Variants in RPS6KC1 observed in about 807,000 individuals in gnomAD.
RPS6KC1 encodes ribosomal protein S6 kinase C1, also known as inactive ribosomal protein S6 kinase delta-1.
In RPS6KC1, 54 loss-of-function variants were observed where a neutral mutation model predicts 103.8. That is an observed-to-expected ratio of 0.52 (90% CI 0.42 to 0.65). The LOEUF (loss-of-function observed/expected upper bound fraction) is 0.65. Ranked by LOEUF, RPS6KC1 falls within the 30% of genes least tolerant of loss-of-function variation. The probability of loss-of-function intolerance (pLI) is 0.00; values close to 1 mark genes in which losing one functional copy is unlikely to be tolerated. For missense variants in RPS6KC1, 1,151 were observed against 1,253.8 expected (o/e 0.92, Z 1.24); for synonymous variants, 439 against 438.7 (o/e 1.00, Z -0.01).
At chr1:213,101,569 G>A (rs747771570) in intron 3 of RPS6KC1, among the ~76,000 whole-genome samples, 4 of 151,442 alleles carry the variant, frequency 2.6e-5, no homozygotes, top group Non-Finnish European at 4.4e-5. Context: ...ATTTTTTTTT[G>A]TATTTGTTTC....
At chr1:213,425,998 T>C in the RPS6KC1 span, among the ~76,000 whole-genome samples, 1 of 152,132 alleles carries the variant, frequency 6.6e-6, no homozygotes, top group African/African-American at 2.4e-5. Flanking sequence ...TCTCCCAAGA[T>C]TGGAGTAGAG....
At chr1:213,214,068 C>T (rs1196515731) in intron 8 of RPS6KC1, among the ~76,000 whole-genome samples, 1 of 151,838 alleles carries the variant, frequency 6.6e-6, no homozygotes, top group Non-Finnish European at 1.5e-5. Context: ...TGAGCCGAAG[C>T]AGGGCGAGGC....
chr1:213,292,190 T>A, the RPS6KC1 span, among the ~76,000 whole-genome samples: 1 of 152,074 alleles, frequency 6.6e-6, no homozygotes, highest in East Asian at 1.9e-4. Context: ...GCATGGCACA[T>A]GTATACCTAT....
intron 1 of RPS6KC1, among the ~76,000 whole-genome samples, chr1:213,064,122 T>C (rs1395807030): frequency 6.6e-6 from 1 of 152,134 alleles, no homozygotes. Flanking sequence ...AATGGCGTGA[T>C]CTTGGCTCTC....
chr1:213,145,967 G>GTTTTTT (rs71573864), intron 6 of RPS6KC1, among the ~76,000 whole-genome samples: 8 of 47,834 alleles, frequency 1.7e-4, no homozygotes, highest in African/African-American at 4.9e-4. Flanking sequence ...CATTCATTCT[G>GTTTTTT]TTTTTTTTTT....
At chr1:213,855,649 G>T in the RPS6KC1 span, among the ~76,000 whole-genome samples, 6 of 152,134 alleles carry the variant, frequency 3.9e-5, no homozygotes, top group Non-Finnish European at 5.9e-5. Context: ...CTTTTTAGAT[G>T]GTGGAGACCA....
At chr1:213,430,082 C>T in the RPS6KC1 span, among the ~76,000 whole-genome samples, 14 of 152,268 alleles carry the variant, frequency 9.2e-5, no homozygotes, top group South Asian at 2.1e-4. Flanking sequence ...GGTGAGCCTT[C>T]GCAGTCACCT....
chr1:213,107,579 A>G (rs2082619210), intron 4 of RPS6KC1, among the ~76,000 whole-genome samples: 1 of 152,180 alleles, frequency 6.6e-6, no homozygotes, highest in South Asian at 2.1e-4. Flanking sequence ...GGATGTTTCT[A>G]CGTTTTGGCT....
chr1:213,525,908 G>A, the RPS6KC1 span, among the ~76,000 whole-genome samples: 2 of 152,172 alleles, frequency 1.3e-5, no homozygotes, highest in East Asian at 3.8e-4. Flanking sequence ...GACAGAAAGT[G>A]GAAACAGCGA....
intron 6 of RPS6KC1, among the ~76,000 whole-genome samples, chr1:213,137,781 A>C (rs375758639): frequency 0.24 from 4,888 of 20,634 alleles, 725 homozygotes; most frequent in East Asian, 0.36. Context: ...CTCTCTCTAT[A>C]TATATATATA....
At chr1:213,184,184 A>G (rs372279954) in intron 8 of RPS6KC1, among the ~76,000 whole-genome samples, 1 of 152,126 alleles carries the variant, frequency 6.6e-6, no homozygotes, top group African/African-American at 2.4e-5. Context: ...TAGAGTCAAC[A>G]CCAGTTTTAC....
At chr1:213,784,372 C>T in the RPS6KC1 span, among the ~76,000 whole-genome samples, 1 of 152,164 alleles carries the variant, frequency 6.6e-6, no homozygotes, top group African/African-American at 2.4e-5. Context: ...CCACAAGGAA[C>T]CTTAGAGATT....
the RPS6KC1 span, among the ~76,000 whole-genome samples, chr1:213,425,046 G>A: frequency 6.6e-6 from 1 of 152,102 alleles, no homozygotes; most frequent in Non-Finnish European, 1.5e-5. Context: ...GGGCCACGGA[G>A]GAGCCGCCAT....
intron 7 of RPS6KC1, among the ~76,000 whole-genome samples, chr1:213,174,547 A>G (rs1340303162): frequency 2.0e-5 from 3 of 151,786 alleles, no homozygotes; most frequent in Non-Finnish European, 2.9e-5. Context: ...GTAGGCGCCT[A>G]TAATCCCAGC....
At chr1:213,184,493 CAATTT>C (rs1255220076) in intron 8 of RPS6KC1, among the ~76,000 whole-genome samples, 25 of 149,936 alleles carry the variant, frequency 1.7e-4, no homozygotes, top group Non-Finnish European at 1.5e-5. Context: ...TTTTTTGCCT[CAATTT>C]GATTTATTTC....
At chr1:213,128,343 T>C (rs1447938803) in intron 5 of RPS6KC1, among the ~76,000 whole-genome samples, 1 of 152,236 alleles carries the variant, frequency 6.6e-6, no homozygotes, top group Admixed American at 6.5e-5. Context: ...TAACATGTAA[T>C]GGGGCTTTAA....
the RPS6KC1 span, among the ~76,000 whole-genome samples, chr1:213,363,821 CTT>C: frequency 3.0e-5 from 2 of 65,886 alleles, no homozygotes; most frequent in East Asian, 4.5e-4. Context: ...TTTCTTCTCT[CTT>C]TTTTTTTTTT....
the RPS6KC1 span, among the ~76,000 whole-genome samples, chr1:213,424,026 GC>G: frequency 6.6e-6 from 1 of 152,224 alleles, no homozygotes; most frequent in African/African-American, 2.4e-5. Flanking sequence ...GCCTCCTACA[GC>G]CCATGAAGCC....
At chr1:213,078,776 T>G (rs2079589191) in intron 3 of RPS6KC1, among the ~76,000 whole-genome samples, 1 of 152,222 alleles carries the variant, frequency 6.6e-6, no homozygotes, top group African/African-American at 2.4e-5. Context: ...ATATGCACAT[T>G]TATTTTTCAA....
Sources: allele counts gnomAD v4.1 joint callset (sites outside exome capture counted in the v4.1 genomes callset), GRCh38; gene constraint gnomAD v4.1.1; transcripts MANE v1.5; gene names NCBI Gene and HGNC (gene_info 2026-07-23, HGNC 2026-07-21).